PLD5: variants seen among roughly 807,000 people sequenced by gnomAD.
PLD5 encodes phospholipase D family member 5.
PLD5 carries 36 observed loss-of-function variants against 61.1 expected under a neutral mutation model. That is an observed-to-expected ratio of 0.59 (90% CI 0.45 to 0.78). The LOEUF (loss-of-function observed/expected upper bound fraction) is 0.78. PLD5 is among the 30% of genes least tolerant of loss of function. The pLI, the probability that PLD5 is intolerant of heterozygous loss-of-function variation, is 0.00. For missense variants in PLD5, 515 were observed against 644.4 expected (o/e 0.80, Z 2.17); for synonymous variants, 243 against 242.8 (o/e 1.00, Z -0.01).
chr1:242,227,969 G>A (rs753656207), intron 4 of PLD5, among the ~76,000 whole-genome samples: 35 of 152,104 alleles, frequency 2.3e-4, no homozygotes, highest in African/African-American at 6.8e-4. Flanking sequence ...TATCACTTCC[G>A]TTCCGAATCT....
chr1:242,137,051 A>G (rs1663788254), intron 5 of PLD5, among the ~76,000 whole-genome samples: 1 of 152,252 alleles, frequency 6.6e-6, no homozygotes. Flanking sequence ...AAAAGAAGTC[A>G]GTCTGGCAGC....
intron 5 of PLD5, among the ~76,000 whole-genome samples, chr1:242,180,765 G>A (rs1355041056): frequency 1.3e-5 from 2 of 152,148 alleles, no homozygotes; most frequent in Non-Finnish European, 2.9e-5. Flanking sequence ...AGGATCGCTT[G>A]AGCTCAGGAG....
intron 1 of PLD5, among the ~76,000 whole-genome samples, chr1:242,493,520 T>C (rs918650924): frequency 2.6e-5 from 4 of 152,192 alleles, no homozygotes; most frequent in African/African-American, 9.6e-5. Flanking sequence ...CAGGGAGGAC[T>C]GGTAGAAGCC....
At chr1:242,392,552 G>A (rs564618860) in intron 1 of PLD5, among the ~76,000 whole-genome samples, 12 of 152,296 alleles carry the variant, frequency 7.9e-5, no homozygotes, top group African/African-American at 2.4e-4. Flanking sequence ...TGAGAATCCG[G>A]TTTCCCATCT....
At chr1:242,235,409 T>C (rs1671572335) in intron 4 of PLD5, 1 of 152,194 alleles carries the variant, frequency 6.6e-6, no homozygotes, top group Non-Finnish European at 1.5e-5. Context: ...CTGATTAACG[T>C]CGGTTCACTG....
chr1:242,190,080 ACCTTCACTAAGGT>A (rs978413781), intron 5 of PLD5, among the ~76,000 whole-genome samples: 1 of 145,264 alleles, frequency 6.9e-6, no homozygotes, highest in African/African-American at 2.6e-5. Context: ...TTAGTGAAGG[ACCTTCACTAAGGT>A]CCTTCACTCC....
At chr1:242,494,065 CCTCCA>C (rs113629395) in intron 1 of PLD5, among the ~76,000 whole-genome samples, 57,245 of 122,278 alleles carry the variant, frequency 0.47, 14,630 homozygotes, top group East Asian at 0.63. Context: ...GTTTCCCTTC[CCTCCA>C]CTCCCCTCCC....
At chr1:242,438,586 G>A (rs1020653460) in intron 1 of PLD5, among the ~76,000 whole-genome samples, 24 of 151,696 alleles carry the variant, frequency 1.6e-4, no homozygotes, top group African/African-American at 4.8e-4. Flanking sequence ...TCAGATTACC[G>A]GCACGCATCA....
chr1:242,181,662 T>TTTTTTTG (rs1553317604), intron 5 of PLD5, among the ~76,000 whole-genome samples: 1 of 151,740 alleles, frequency 6.6e-6, no homozygotes, highest in Non-Finnish European at 1.5e-5. Context: ...CAATGGTTTT[T>TTTTTTTG]TTTTGTTTTG....
Position 242,256,247 on chromosome 1 carries a change from T to C in PLD5, c.607+9090A>G, listed in dbSNP as rs187490563. 2.5e-3 allele frequency among the ~76,000 whole-genome samples: 374 copies of C among 152,314 alleles called. 1 individual carries two copies. Among genetic ancestry groups the C allele is most frequent in the Non-Finnish European group, 3.7e-3 (249 of 68,030 alleles). ...CCAAGAGTTCACCCCAAGAGCATGCTTTGTATTGCCTTTATAAACAAAAAG... is the reference window on the plus strand; with the variant it reads ...CCAAGAGTTCACCCCAAGAGCATGCCTTGTATTGCCTTTATAAACAAAAAG... On this transcript the variant is annotated intron_variant, in intron 4 of 9. Coordinates refer to ENST00000536534, the MANE Select transcript of PLD5 (RefSeq NM_001372062.1). The surrounding 1 kb of genome is among the most constrained non-coding windows in gnomAD (Gnocchi z 5.7).
intron 2 of PLD5, among the ~76,000 whole-genome samples, chr1:242,327,758 T>C (rs1429993309): frequency 6.6e-6 from 1 of 152,194 alleles, no homozygotes; most frequent in East Asian, 1.9e-4. Flanking sequence ...TATCCTGAAA[T>C]GTTCTTACTC....
At position 242,262,135 on chromosome 1, in the gene PLD5, C is replaced by T. The variant is rs532367228; in HGVS notation, c.607+3202G>A. Among the ~76,000 whole-genome samples, 17 of 152,302 alleles carry T rather than the reference C, an allele frequency of 1.1e-4. No homozygotes were observed. In the East Asian group the frequency reaches 3.1e-3, roughly 28 times the overall value. On this transcript the variant is annotated intron_variant, in intron 4 of 9. Coordinates refer to ENST00000536534, the MANE Select transcript of PLD5 (RefSeq NM_001372062.1). ...ATTCATAAAATGGAATACTATACAA[C>T]AATGTAAAATAAACCACTGCTGTAT...
intron 3 of PLD5, among the ~76,000 whole-genome samples, chr1:242,287,618 T>C (rs2149136209): frequency 6.6e-6 from 1 of 152,268 alleles, no homozygotes; most frequent in South Asian, 2.1e-4. Context: ...ACAAAACTTA[T>C]TTTGCCCTTG....
intron 1 of PLD5, among the ~76,000 whole-genome samples, chr1:242,406,305 G>A (rs2149283671): frequency 6.6e-6 from 1 of 152,292 alleles, no homozygotes; most frequent in African/African-American, 2.4e-5. Flanking sequence ...ATGAGAAAAT[G>A]AACAAACTCC....
chr1:242,375,936 C>T (rs140089899), intron 1 of PLD5, among the ~76,000 whole-genome samples: 1,847 of 152,294 alleles, frequency 0.012, 14 homozygotes, highest in Non-Finnish European at 0.018. Context: ...GAACAGGAAA[C>T]GCCAACTCTT....
intron 1 of PLD5, among the ~76,000 whole-genome samples, chr1:242,507,605 A>G (rs1022158216): frequency 2.0e-5 from 3 of 152,224 alleles, no homozygotes; most frequent in Non-Finnish European, 4.4e-5. Context: ...CAAATATCCT[A>G]CTCAAACTGG....
chr1:242,269,429 T>C (rs1029211734), intron 3 of PLD5, among the ~76,000 whole-genome samples: 3 of 151,324 alleles, frequency 2.0e-5, no homozygotes, highest in Non-Finnish European at 2.9e-5. Flanking sequence ...GGATGCTTAA[T>C]GTAGGAGACC....
intron 2 of PLD5, among the ~76,000 whole-genome samples, chr1:242,334,781 T>G (rs1659402754): frequency 6.6e-6 from 1 of 152,130 alleles, no homozygotes; most frequent in South Asian, 2.1e-4. Context: ...GAATCCTTTT[T>G]CCCAGGGGAC....
intron 5 of PLD5, among the ~76,000 whole-genome samples, chr1:242,213,997 T>G (rs1317827202): frequency 3.9e-5 from 6 of 152,162 alleles, no homozygotes; most frequent in Admixed American, 3.3e-4. Context: ...AGGATTCCTT[T>G]AAGTAAAAAG....
Sources: allele counts gnomAD v4.1 joint callset (sites outside exome capture counted in the v4.1 genomes callset), GRCh38; gene constraint gnomAD v4.1.1; non-coding constraint Gnocchi (gnomAD v3.1); transcripts MANE v1.5; gene names NCBI Gene and HGNC (gene_info 2026-07-23, HGNC 2026-07-21).